The following RPGR variants were observed in gnomAD, a reference collection of about 807,000 sequenced individuals.
The protein encoded by RPGR is X-linked retinitis pigmentosa GTPase regulator.
RPGR carries 10 observed loss-of-function variants against 56.3 expected under a neutral mutation model. The ratio of observed to expected loss-of-function variants is 0.18; its 90% CI spans 0.11 to 0.30. The LOEUF is 0.30. Among genes scored for constraint, RPGR ranks in the 10% least tolerant of loss-of-function variants. The pLI is 1.00. For synonymous variants in RPGR, 197 were observed against 212.9 expected, an observed-to-expected ratio of 0.93 and a Z score of 0.65; for missense variants, 538 against 590.9, an observed-to-expected ratio of 0.91 and a Z score of 0.93.
intron 3 of RPGR, among the ~76,000 whole-genome samples, chrX:38,322,122 A>T (rs1307471514): frequency 8.9e-6 from 1 of 112,140 alleles, no homozygotes; most frequent in African/African-American, 3.2e-5. Context: ...CATAAACAGC[A>T]TGAATATGAT....
chrX:38,294,223 A>G (rs2067339351), intron 11 of RPGR, among the ~76,000 whole-genome samples: 1 of 109,498 alleles, frequency 9.1e-6, no homozygotes, highest in Non-Finnish European at 1.9e-5. Context: ...CTAATTTCCC[A>G]CCTCCTGCCT....
intron 6 of RPGR, among the ~76,000 whole-genome samples, chrX:38,315,235 G>A (rs1394600819): frequency 9.0e-6 from 1 of 111,541 alleles, no homozygotes; most frequent in African/African-American, 3.3e-5. Context: ...AGGAGGCTGA[G>A]GCAAGAGAAT....
intron 18 of RPGR, chrX:38,272,650 A>C (rs1035332648): frequency 2.7e-5 from 3 of 111,371 alleles, no homozygotes; most frequent in Non-Finnish European, 5.6e-5. Context: ...CACACCAAAG[A>C]CAATCTAAAA....
At chrX:38,306,904 A>G (rs1260492916) in intron 7 of RPGR, among the ~76,000 whole-genome samples, 5 of 112,755 alleles carry the variant, frequency 4.4e-5, no homozygotes, top group African/African-American at 1.3e-4. Context: ...TAAGGACATT[A>G]TATTTAACAA....
chrX:38,314,553 T>C (rs2067782203), intron 6 of RPGR, among the ~76,000 whole-genome samples: 1 of 111,576 alleles, frequency 9.0e-6, no homozygotes, highest in African/African-American at 3.3e-5. Flanking sequence ...GTACTACACC[T>C]AATTCAGTGA....
At chrX:38,307,366 C>T (rs1382038984) in intron 7 of RPGR, among the ~76,000 whole-genome samples, 4 of 112,149 alleles carry the variant, frequency 3.6e-5, no homozygotes, top group East Asian at 2.8e-4. Context: ...TAATCTATCA[C>T]GGTCATGTGC....
intron 9 of RPGR, among the ~76,000 whole-genome samples, chrX:38,300,240 G>A (rs751500006): frequency 1.2e-3 from 134 of 111,335 alleles, no homozygotes; most frequent in African/African-American, 4.2e-3. Context: ...GTGAGCCACC[G>A]CGCCCGACCA....
chrX:38,307,816 C>T (rs1433742329), intron 7 of RPGR, among the ~76,000 whole-genome samples: 2 of 111,884 alleles, frequency 1.8e-5, no homozygotes, highest in African/African-American at 6.5e-5. Flanking sequence ...AATTTTCATA[C>T]ATATACATTT....
chrX:38,310,255 G>A, intron 7 of RPGR, among the ~76,000 whole-genome samples: 1 of 111,382 alleles, frequency 9.0e-6, no homozygotes, highest in Non-Finnish European at 1.9e-5. Context: ...GGTCCAAAAA[G>A]TGAGAATCTT....
intron 7 of RPGR, among the ~76,000 whole-genome samples, chrX:38,305,382 T>C (rs1220880919): frequency 1.8e-5 from 2 of 110,572 alleles, no homozygotes; most frequent in Non-Finnish European, 3.8e-5. Flanking sequence ...ACCACTGCAC[T>C]CCAGCCTGGG....
Position 38,269,661 on chromosome X carries a change from T to C in RPGR, c.2413A>G (p.Thr805Ala). 8.3e-7 allele frequency: 1 copy of C among 1,206,790 alleles called. No individual in the cohort carries two copies. The highest frequency in any genetic ancestry group is 1.7e-5 in the African/African-American group (1 of 57,788). ...GTACAGGATTTTGATCTTCTCTCTG[T>C]ATTTGTTGGTGGGATATTCTGATGA... Residue 805 changes from threonine (T) to alanine (A), a missense_variant, in exon 19 of 19, where the codon ACA becomes GCA. Transcript: ENST00000642395.
At chrX:38,308,111 C>A (rs188345152) in intron 7 of RPGR, 1 of 111,576 alleles carries the variant, frequency 9.0e-6, no homozygotes, top group African/African-American at 3.2e-5. Flanking sequence ...CCAAGTTTTT[C>A]TCCTGTATTC....
At chrX:38,315,838 T>TATAGAGAG (rs768025579) in intron 6 of RPGR, among the ~76,000 whole-genome samples, 34 of 90,823 alleles carry the variant, frequency 3.7e-4, no homozygotes, top group African/African-American at 1.1e-3. Context: ...TATATATATA[T>TATAGAGAG]AGAGAGAGAG....
At chrX:38,279,240 G>A (rs2147174999) in intron 15 of RPGR, 1 of 328,287 alleles carries the variant, frequency 3.0e-6, no homozygotes, top group Admixed American at 3.1e-5. Context: ...TAAAGTTTAA[G>A]TACATTCTTG....
intron 7 of RPGR, among the ~76,000 whole-genome samples, chrX:38,305,838 A>C: frequency 9.0e-6 from 1 of 111,692 alleles, no homozygotes; most frequent in South Asian, 3.7e-4. Context: ...CCAATTTCAG[A>C]GAATTGTCTT....
At chrX:38,285,558 A>G (rs768170067) in intron 15 of RPGR, 4 of 1,209,739 alleles carry the variant, frequency 3.3e-6, no homozygotes. Context: ...ATTCCAAGTA[A>G]TGTGGTAATA....
chrX:38,301,956 G>A (rs773015590), intron 8 of RPGR, among the ~76,000 whole-genome samples: 24 of 111,592 alleles, frequency 2.2e-4, no homozygotes, highest in Non-Finnish European at 4.5e-4. Context: ...GTGACTTGGG[G>A]AGTGGGGGAT....
chrX:38,287,498 C>T (rs1232692908), intron 14 of RPGR: 2 of 522,545 alleles, frequency 3.8e-6, no homozygotes, highest in Admixed American at 5.3e-5. Flanking sequence ...GATTCTCTTT[C>T]ACTGTCAAAG....
At chrX:38,287,392 C>T in intron 14 of RPGR, 147 bp from the exon 15 acceptor site, 1 of 912,346 alleles carries the variant, frequency 1.1e-6, no homozygotes, top group Non-Finnish European at 1.6e-6. Context: ...TTTCTCTCCA[C>T]TACTAAATTC....
Sources: allele counts gnomAD v4.1 joint callset (sites outside exome capture counted in the v4.1 genomes callset), GRCh38; gene constraint gnomAD v4.1.1; transcripts MANE v1.5; gene names NCBI Gene and HGNC (gene_info 2026-07-23, HGNC 2026-07-21).